KHDRBS3: variants seen among roughly 807,000 people sequenced by gnomAD.
KHDRBS3 encodes the protein KH domain-containing, RNA-binding, signal transduction-associated protein 3.
Under a neutral mutation model 45.6 loss-of-function variants are expected in KHDRBS3, and 23 were observed. The observed-to-expected ratio is 0.50, with a 90% CI of 0.36 to 0.72. The LOEUF (loss-of-function observed/expected upper bound fraction) is 0.72. Among genes scored for constraint, KHDRBS3 ranks in the 30% least tolerant of loss-of-function variants. The pLI, the probability that KHDRBS3 is intolerant of heterozygous loss-of-function variation, is 0.00. For missense variants in KHDRBS3, 352 were observed against 424.8 expected (o/e 0.83, Z 1.51); for synonymous variants, 162 against 156.5 (o/e 1.04, Z -0.26).
At chr8:135,476,367 C>T (rs1822284215) in intron 1 of KHDRBS3, among the ~76,000 whole-genome samples, 1 of 152,134 alleles carries the variant, frequency 6.6e-6, no homozygotes, top group Non-Finnish European at 1.5e-5. Flanking sequence ...TGGTCTTGAA[C>T]TCCTGACCTC....
intron 5 of KHDRBS3, among the ~76,000 whole-genome samples, chr8:135,580,405 TATTG>T (rs1436878999): frequency 6.6e-6 from 1 of 152,226 alleles, no homozygotes; most frequent in East Asian, 1.9e-4. Context: ...GATCATTAAC[TATTG>T]ATTAAATTTA....
At chr8:135,588,313 T>G (rs983356685) in intron 6 of KHDRBS3, among the ~76,000 whole-genome samples, 19 of 152,162 alleles carry the variant, frequency 1.2e-4, no homozygotes, top group African/African-American at 4.6e-4. Flanking sequence ...AAGAGACACA[T>G]AGGGCAAGGT....
intron 7 of KHDRBS3, among the ~76,000 whole-genome samples, chr8:135,617,931 TGAGGACA>T (rs1450889465): frequency 5.3e-5 from 8 of 152,200 alleles, no homozygotes; most frequent in Admixed American, 2.6e-4. Flanking sequence ...AGCACAGACT[TGAGGACA>T]GAGCTCTAAG....
At chr8:135,655,283 T>C (rs1319232464) in intron 4 of KHDRBS3, among the ~76,000 whole-genome samples, 1 of 152,200 alleles carries the variant, frequency 6.6e-6, no homozygotes, top group African/African-American at 2.4e-5. Context: ...CCTGGCACTC[T>C]GCAGCAATAA....
At chr8:135,546,899 C>G (rs1021600649) in intron 3 of KHDRBS3, among the ~76,000 whole-genome samples, 1 of 152,104 alleles carries the variant, frequency 6.6e-6, no homozygotes, top group African/African-American at 2.4e-5. Context: ...ACCCTGGCTA[C>G]AGCTATGATA....
intron 5 of KHDRBS3, among the ~76,000 whole-genome samples, chr8:135,562,138 G>GTCAC (rs1827199589): frequency 1.3e-5 from 2 of 152,084 alleles, no homozygotes; most frequent in African/African-American, 2.4e-5. Flanking sequence ...ACATTCACTT[G>GTCAC]TCACTCACTC....
At chr8:135,554,265 T>C (rs774797751) in intron 4 of KHDRBS3, among the ~76,000 whole-genome samples, 5 of 152,182 alleles carry the variant, frequency 3.3e-5, no homozygotes, top group African/African-American at 7.2e-5. Flanking sequence ...ACTTTTTAAT[T>C]TTTAATTTGT....
intron 1 of KHDRBS3, among the ~76,000 whole-genome samples, chr8:135,464,095 A>G (rs1201828515): frequency 6.6e-6 from 1 of 152,222 alleles, no homozygotes; most frequent in African/African-American, 2.4e-5. Context: ...GTCAGGCTGA[A>G]ATTTTAAACC....
downstream of KHDRBS3, among the ~76,000 whole-genome samples, chr8:135,651,638 G>C (rs1013099024): frequency 3.9e-5 from 6 of 152,062 alleles, no homozygotes; most frequent in African/African-American, 1.4e-4. Context: ...CAGATATAGT[G>C]CCTCATTTAG....
intron 1 of KHDRBS3, among the ~76,000 whole-genome samples, chr8:135,497,751 A>G (rs1231219625): frequency 2.6e-5 from 4 of 152,306 alleles, no homozygotes; most frequent in Non-Finnish European, 4.4e-5. Flanking sequence ...AATTTTTTTC[A>G]GTAACCATGG....
chr8:135,636,784 C>T (rs879355420), intron 7 of KHDRBS3, among the ~76,000 whole-genome samples: 2 of 152,212 alleles, frequency 1.3e-5, no homozygotes, highest in African/African-American at 4.8e-5. Flanking sequence ...GCCAGGGACA[C>T]CCACAAAGAG....
At chr8:135,491,969 G>A (rs1823177286) in intron 1 of KHDRBS3, among the ~76,000 whole-genome samples, 1 of 148,084 alleles carries the variant, frequency 6.8e-6, no homozygotes, top group Admixed American at 6.7e-5. Context: ...ACTTAAGAAT[G>A]TTCCTTGATG....
chr8:135,488,563 A>G (rs1822982933), intron 1 of KHDRBS3, among the ~76,000 whole-genome samples: 1 of 152,228 alleles, frequency 6.6e-6, no homozygotes, highest in Non-Finnish European at 1.5e-5. Flanking sequence ...AGTTAAGGAT[A>G]ACAATTCTCA....
Position 135,461,027 on chromosome 8 carries a change from T to C in KHDRBS3, c.88+3073T>C, listed in dbSNP as rs771942709. 5.3e-5 allele frequency among the ~76,000 whole-genome samples: 8 copies of C among 152,332 alleles called. 1 individual carries two copies. The Middle Eastern group carries it at 0.01, about 194-fold the overall frequency. On this transcript the variant is annotated intron_variant, in intron 1 of 8. Coordinates refer to ENST00000355849, the MANE Select transcript of KHDRBS3 (RefSeq NM_006558.3). ...GTGTTTCATCGTGGGCACTGATTGC[T>C]GATTTTATTTTCATTTTACCAGAAT... is the stretch of plus-strand genomic sequence containing the variant.
chr8:135,529,683 G>A (rs1488238931), intron 2 of KHDRBS3, among the ~76,000 whole-genome samples: 1 of 151,904 alleles, frequency 6.6e-6, no homozygotes, highest in Non-Finnish European at 1.5e-5. Context: ...CTTATATATA[G>A]GCCTCCTAAA....
chr8:135,521,422 A>T, intron 2 of KHDRBS3, 67 bp downstream of exon 2: 1 of 868,932 alleles, frequency 1.2e-6, no homozygotes, highest in Non-Finnish European at 1.9e-6. Context: ...TGTTTAATTT[A>T]TATTCTGTTT....
chr8:135,485,042 A>G (rs1470774986), intron 1 of KHDRBS3, among the ~76,000 whole-genome samples: 1 of 152,218 alleles, frequency 6.6e-6, no homozygotes, highest in Non-Finnish European at 1.5e-5. Flanking sequence ...ATACAGTGTG[A>G]TAAATGCTGT....
rs752742721 is a variant in KHDRBS3, at chr8:135,611,109, T to C, written c.890+4072T>C. ...AAGAAGCATCTTTTGTGACAGCCAG[T>C]CTACCTTCTTTGAAGTGATCTTTTC... On this transcript the variant is annotated intron_variant, in intron 7 of 8. Transcript: ENST00000355849. Among the ~76,000 whole-genome samples the C allele has an allele frequency of 1.1e-4, 16 of 151,902 alleles. 1 individual carries two copies. Among genetic ancestry groups the C allele is most frequent in the Admixed American group, 2.6e-4 (4 of 15,262 alleles).
intron 6 of KHDRBS3, among the ~76,000 whole-genome samples, chr8:135,600,540 G>T (rs1019322804): frequency 6.6e-6 from 1 of 152,178 alleles, no homozygotes; most frequent in Non-Finnish European, 1.5e-5. Flanking sequence ...GCCTTCCTAG[G>T]TGTGTGTGGA....
Sources: gnomAD v4.1 joint callset for allele counts (sites outside exome capture counted in the v4.1 genomes callset) on GRCh38, gnomAD v4.1.1 for gene constraint, MANE v1.5 for transcripts, NCBI Gene and HGNC (gene_info 2026-07-23, HGNC 2026-07-21) for gene names.